The following PTPRG variants were observed in gnomAD, a reference collection of about 807,000 sequenced individuals.
The protein encoded by PTPRG is protein tyrosine phosphatase receptor type G, also known as receptor-type tyrosine-protein phosphatase gamma.
PTPRG carries 102 observed loss-of-function variants against 165.3 expected under a neutral mutation model. The observed-to-expected ratio is 0.62, with a 90% CI of 0.53 to 0.73. The LOEUF (loss-of-function observed/expected upper bound fraction) is 0.73, where lower values mean the gene tolerates loss of function less well. Ranked by LOEUF, PTPRG falls within the 30% of genes least tolerant of loss-of-function variation. The pLI, the probability that PTPRG is intolerant of heterozygous loss-of-function variation, is 0.00. For synonymous variants in PTPRG, 675 were observed against 669.5 expected (o/e 1.01, Z -0.13); for missense variants, 1,866 against 1,861.4 (o/e 1.00, Z -0.05).
At chr3:62,109,673 T>C (rs1702598003) in intron 5 of PTPRG, among the ~76,000 whole-genome samples, 1 of 152,180 alleles carries the variant, frequency 6.6e-6, no homozygotes, top group African/African-American at 2.4e-5. Context: ...CCTCCTGCTC[T>C]CTTTGTTGCT....
intron 1 of PTPRG, among the ~76,000 whole-genome samples, chr3:61,745,051 C>CTTTTTTTTTTTTTTTTT (rs10669472): frequency 9.0e-6 from 1 of 111,626 alleles, no homozygotes; most frequent in East Asian, 2.5e-4. Flanking sequence ...CATTCCCTCA[C>CTTTTTTTTTTTTTTTTT]TTTTTTTTTT....
intron 5 of PTPRG, among the ~76,000 whole-genome samples, chr3:62,128,322 A>C (rs1403084440): frequency 6.6e-6 from 1 of 152,116 alleles, no homozygotes; most frequent in African/African-American, 2.4e-5. Flanking sequence ...CTTAAAGTGG[A>C]AGGAAGCAAA....
chr3:61,728,796 G>A (rs2032366481), intron 1 of PTPRG, among the ~76,000 whole-genome samples: 1 of 150,368 alleles, frequency 6.7e-6, no homozygotes, highest in Non-Finnish European at 1.5e-5. Context: ...CAACACTTTG[G>A]GAAGCTGAGA....
At chr3:62,113,580 T>A (rs564870456) in intron 5 of PTPRG, among the ~76,000 whole-genome samples, 43 of 152,294 alleles carry the variant, frequency 2.8e-4, no homozygotes, top group Admixed American at 1.7e-3. Context: ...GAAATGCAGA[T>A]CACTTTTTCT....
chr3:61,701,761 G>A lies in PTPRG; in HGVS notation c.86-47117G>A, dbSNP rs970120968. On this transcript the variant is annotated intron_variant, in intron 1 of 29. Transcript: ENST00000474889. ...AAAATAAAAAAATTATCCAGGTGTC[G>A]TGTCACGTGACTGTCATCTGAGCTA... 6.6e-5 allele frequency among the ~76,000 whole-genome samples: 10 copies of A among 152,164 alleles called. No homozygotes were observed. The South Asian group carries it at 1.5e-3, about 22-fold the overall frequency.
In PTPRG at chr3:62,293,930, T is replaced by C. The variant is rs892483443; in HGVS notation, c.*623T>C. On this transcript the variant is annotated 3_prime_UTR_variant, in exon 30 of 30. Transcript: ENST00000474889. The stretch of plus-strand genomic sequence containing the variant: ...GTTAGAAGGCTTAAGAACTGCTTCA[T>C]GTGAACATCCCTTATTAGTTACAAA... 1 of 152,602 alleles carries C rather than the reference T, an allele frequency of 6.6e-6. No individual in the cohort carries two copies. Among genetic ancestry groups the C allele is most frequent in the Admixed American group, 6.6e-5 (1 of 15,262 alleles). 9.5% of individuals were successfully genotyped at this position (152,602 alleles called of 1,614,324 possible).
chr3:61,602,072 C>T (rs1700883953), intron 1 of PTPRG, among the ~76,000 whole-genome samples: 1 of 152,102 alleles, frequency 6.6e-6, no homozygotes, highest in South Asian at 2.1e-4. Context: ...ATGCAAGATG[C>T]AGCTGGCTAA....
At chr3:61,738,357 T>C (rs895713902) in intron 1 of PTPRG, among the ~76,000 whole-genome samples, 3 of 142,188 alleles carry the variant, frequency 2.1e-5, no homozygotes, top group African/African-American at 7.7e-5. Context: ...TATATAAACC[T>C]ATTTCATTCA....
intron 2 of PTPRG, among the ~76,000 whole-genome samples, chr3:61,756,613 C>A (rs1020422749): frequency 3.3e-5 from 5 of 152,026 alleles, no homozygotes; most frequent in Non-Finnish European, 5.9e-5. Flanking sequence ...AGTTTCTTGG[C>A]ATTTTCTCTG....
At position 62,203,258 on chromosome 3, in the gene PTPRG, C is replaced by T; in HGVS notation, c.1463C>T (p.Ser488Leu). 1 of 1,614,084 alleles carries T rather than the reference C, an allele frequency of 6.2e-7. No individual in the cohort carries two copies. The highest frequency in any genetic ancestry group is 8.5e-7 in the Non-Finnish European group (1 of 1,180,002). The stretch of plus-strand genomic sequence containing the variant: ...TGGACGTCCTCTGGCATCCCATTCT[C>T]ATTTGTTTCCATGGCAACTGGGATG... ...STWTSSGIPF[S>L]FVSMATGMGP... The change falls in exon 12 of 30, where the codon TCA (serine) becomes TTA (leucine). Residue 488 changes from serine to leucine, a missense_variant. By Grantham distance (145) the Ser-to-Leu change is moderately radical (BLOSUM62 -2). Around this residue, in one of 3 missense-constraint regions of PTPRG, gnomAD observed 1,452 missense variants for 1,463.0 expected, o/e 0.99. Transcript: ENST00000474889. The surrounding 1 kb of genome is among the most constrained non-coding windows in gnomAD (Gnocchi z 6.4).
At chr3:61,999,046 C>A (rs1025371342) in intron 3 of PTPRG, among the ~76,000 whole-genome samples, 1 of 152,018 alleles carries the variant, frequency 6.6e-6, no homozygotes, top group Non-Finnish European at 1.5e-5. Context: ...GGCTGGAGGC[C>A]TCTTTTTTTC....
chr3:61,613,684 A>G (rs1701234336), intron 1 of PTPRG, among the ~76,000 whole-genome samples: 1 of 152,202 alleles, frequency 6.6e-6, no homozygotes, highest in African/African-American at 2.4e-5. Flanking sequence ...AAATGGTTAT[A>G]TAAATTGAAG....
At chr3:62,171,426 T>C (rs1371567669) in intron 8 of PTPRG, among the ~76,000 whole-genome samples, 1 of 152,206 alleles carries the variant, frequency 6.6e-6, no homozygotes, top group Admixed American at 6.5e-5. Flanking sequence ...AAAGGCATAA[T>C]TTACATACCA....
At chr3:61,823,132 C>G (rs1169150599) in intron 2 of PTPRG, among the ~76,000 whole-genome samples, 3 of 152,140 alleles carry the variant, frequency 2.0e-5, no homozygotes, top group African/African-American at 7.2e-5. Flanking sequence ...TTTGCAAGTT[C>G]GGTTACTTTG....
In PTPRG at chr3:62,210,483, A is replaced by G. The variant is rs1016626102; in HGVS notation, c.2155+6533A>G. On this transcript the variant is annotated intron_variant, in intron 12 of 29. Coordinates refer to ENST00000474889, the MANE Select transcript of PTPRG (RefSeq NM_002841.4). The surrounding 1 kb of genome is among the most constrained non-coding windows in gnomAD (Gnocchi z 4.1). ...TGTGCACTGCTAGTGGGAATGTAAAATGTGCAGCCCCTGTGGAAAATAGTA... is the reference window on the plus strand; with the variant it reads ...TGTGCACTGCTAGTGGGAATGTAAAGTGTGCAGCCCCTGTGGAAAATAGTA... Among the ~76,000 whole-genome samples the G allele has an allele frequency of 6.6e-6, 1 of 152,208 alleles. No individual in the cohort carries two copies. Among genetic ancestry groups the G allele is most frequent in the Non-Finnish European group, 1.5e-5 (1 of 68,036 alleles).
intron 2 of PTPRG, among the ~76,000 whole-genome samples, chr3:61,757,774 A>G (rs1412838465): frequency 6.6e-6 from 1 of 152,242 alleles, no homozygotes; most frequent in Non-Finnish European, 1.5e-5. Flanking sequence ...GCGATGAATC[A>G]GAGTCAAACA....
At chr3:62,169,389 A>G (rs996589576) in intron 8 of PTPRG, among the ~76,000 whole-genome samples, 1 of 152,090 alleles carries the variant, frequency 6.6e-6, no homozygotes, top group African/African-American at 2.4e-5. Flanking sequence ...CTTGCTTATT[A>G]TTTTTTTAAC....
Position 62,255,996 on chromosome 3 carries a change from C to T in PTPRG, c.2559+781C>T, listed in dbSNP as rs1208780315. On this transcript the variant is annotated intron_variant, in intron 16 of 29. Transcript: ENST00000474889. The surrounding 1 kb of genome is among the most constrained non-coding windows in gnomAD (Gnocchi z 4.0). ...GACTGCCCTTTTCTTCACTGAGGCGCTTAACTAAGGCACATCTCTGGCAGC... is the reference window on the plus strand; with the variant it reads ...GACTGCCCTTTTCTTCACTGAGGCGTTTAACTAAGGCACATCTCTGGCAGC... Among the ~76,000 whole-genome samples, 1 of 152,186 alleles carries T rather than the reference C, an allele frequency of 6.6e-6. No individual in the cohort carries two copies. The highest frequency in any genetic ancestry group is 1.5e-5 in the Non-Finnish European group (1 of 68,038).
chr3:61,996,132 T>TAAAATAAAAATCAAA (rs1300774747), intron 3 of PTPRG, among the ~76,000 whole-genome samples: 3 of 152,192 alleles, frequency 2.0e-5, no homozygotes, highest in Non-Finnish European at 4.4e-5. Flanking sequence ...TTATTTGTTG[T>TAAAATAAAAATCAAA]ATCTGTGGAG....
Sources: gnomAD v4.1 joint callset for allele counts (sites outside exome capture counted in the v4.1 genomes callset) on GRCh38, gnomAD v4.1.1 for gene constraint, gnomAD v4.1.1 regional missense constraint, Gnocchi (gnomAD v3.1) non-coding constraint, MANE v1.5 for transcripts, NCBI Gene and HGNC (gene_info 2026-07-23, HGNC 2026-07-21) for gene names.